The following FSTL5 variants were observed in gnomAD, a reference collection of about 807,000 sequenced individuals.
FSTL5 encodes the protein follistatin like 5, also known as follistatin-related protein 5.
FSTL5 carries 62 observed loss-of-function variants against 89.1 expected under a neutral mutation model. The observed-to-expected ratio is 0.70, with a 90% confidence interval of 0.57 to 0.86. The LOEUF (loss-of-function observed/expected upper bound fraction) is 0.86, where lower values mean the gene tolerates loss of function less well. Ranked by LOEUF, FSTL5 falls within the 40% of genes least tolerant of loss-of-function variation. The pLI is 0.00. For missense variants in FSTL5, 1,057 were observed against 1,001.6 expected (o/e 1.06, Z -0.75); for synonymous variants, 383 against 346.2 (o/e 1.11, Z -1.18).
intron 7 of FSTL5, among the ~76,000 whole-genome samples, chr4:161,608,851 C>T (rs982249307): frequency 1.3e-5 from 2 of 152,150 alleles, no homozygotes; most frequent in African/African-American, 4.8e-5. Context: ...AAAGTGGTCT[C>T]TGTCAAATCT....
intron 6 of FSTL5, among the ~76,000 whole-genome samples, chr4:161,698,225 G>C (rs1470749434): frequency 6.6e-6 from 1 of 152,084 alleles, no homozygotes; most frequent in African/African-American, 2.4e-5. Context: ...TGAATCTGCT[G>C]GCACCTCGAT....
intron 4 of FSTL5, 82 bp downstream of exon 4, chr4:161,920,322 A>G (rs1733955730): frequency 1.4e-6 from 2 of 1,396,018 alleles, no homozygotes; most frequent in African/African-American, 2.9e-5. Context: ...TTGCTGATAT[A>G]AAATTGCTAG....
intron 4 of FSTL5, among the ~76,000 whole-genome samples, chr4:161,860,291 C>CAAAT (rs1731870748): frequency 6.9e-6 from 1 of 144,394 alleles, no homozygotes; most frequent in Admixed American, 6.7e-5. Flanking sequence ...CCGTCTCAAA[C>CAAAT]AAACAAACAA....
chr4:161,388,673 AT>A (rs1730723397), intron 15 of FSTL5, among the ~76,000 whole-genome samples: 1 of 152,078 alleles, frequency 6.6e-6, no homozygotes, highest in Non-Finnish European at 1.5e-5. Context: ...TTCTGTTATA[AT>A]TTGTACATGA....
intron 6 of FSTL5, among the ~76,000 whole-genome samples, chr4:161,706,258 C>T (rs1481557726): frequency 6.6e-6 from 1 of 151,372 alleles, no homozygotes; most frequent in Non-Finnish European, 1.5e-5. Flanking sequence ...CAGGAGGAAG[C>T]CACTGTCTGT....
chr4:161,523,332 G>C (rs567303573), intron 10 of FSTL5, among the ~76,000 whole-genome samples: 12 of 152,178 alleles, frequency 7.9e-5, no homozygotes, highest in Admixed American at 6.5e-4. Context: ...TGTATATATA[G>C]GCAGGAAGGA....
At chr4:161,654,024 C>A (rs1331715067) in intron 7 of FSTL5, among the ~76,000 whole-genome samples, 2 of 151,988 alleles carry the variant, frequency 1.3e-5, no homozygotes, top group Non-Finnish European at 2.9e-5. Flanking sequence ...AAAGTTTATA[C>A]AAAATAATTT....
chr4:162,158,135 C>G (rs1561051562), intron 1 of FSTL5, among the ~76,000 whole-genome samples: 1 of 151,954 alleles, frequency 6.6e-6, no homozygotes, highest in African/African-American at 2.4e-5. Flanking sequence ...GCAGTTGATA[C>G]CACAAATGCT....
chr4:161,459,270 T>G lies in FSTL5; in HGVS notation c.1658A>C (p.His553Pro). The G allele has an allele frequency of 1.2e-6, 2 of 1,613,516 alleles. No individual in the cohort carries two copies. Among genetic ancestry groups the G allele is most frequent in the Middle Eastern group, 1.7e-4 (1 of 6,056 alleles). Residue 553 changes from histidine to proline, a missense_variant, in exon 14 of 16, where the codon CAT becomes CCT. Physicochemically the swap from His to Pro is moderately conservative, Grantham distance 77. This residue lies in a region of FSTL5 where 980 missense variants were observed against 903.2 expected (regional missense o/e 1.08). Transcript: ENST00000306100. ...CCAGCTTAGCACCCAGACCTGATCA[T>G]GTGATTTGTCATAGTGTAATTTAAC... ...VPVKLHYDKS[H>P]DQVWVLSWGT...
At position 161,552,808 on chromosome 4, in the gene FSTL5, T is replaced by C. The variant is rs547502306; in HGVS notation, c.1016-10115A>G. 2.0e-5 allele frequency among the ~76,000 whole-genome samples: 3 copies of C among 151,840 alleles called. No homozygotes were observed. The Admixed American group carries it at 2.0e-4, about 10-fold the overall frequency. ...TTTAACCTCAGTGACAAGCTAAACA[T>C]TTAAAAGTAGCTTACTTTTCCCAGG... On this transcript the variant is annotated intron_variant, in intron 8 of 15. Coordinates refer to ENST00000306100, the MANE Select transcript of FSTL5 (RefSeq NM_020116.5).
chr4:161,977,068 T>C (rs1735671620), intron 3 of FSTL5, among the ~76,000 whole-genome samples: 1 of 152,150 alleles, frequency 6.6e-6, no homozygotes, highest in African/African-American at 2.4e-5. Flanking sequence ...AAATATTTCA[T>C]GACATGTTAT....
intron 10 of FSTL5, among the ~76,000 whole-genome samples, chr4:161,527,077 A>T (rs995904263): frequency 1.1e-4 from 17 of 152,152 alleles, no homozygotes; most frequent in African/African-American, 4.1e-4. Flanking sequence ...CCCATGAGCA[A>T]GGAATGTTCT....
intron 6 of FSTL5, among the ~76,000 whole-genome samples, chr4:161,697,746 A>T (rs779067112): frequency 6.6e-6 from 1 of 152,180 alleles, no homozygotes; most frequent in Non-Finnish European, 1.5e-5. Context: ...AATAAGCCAG[A>T]CTCAGAAAGA....
At chr4:161,813,614 G>C (rs1355866073) in intron 4 of FSTL5, among the ~76,000 whole-genome samples, 1 of 152,164 alleles carries the variant, frequency 6.6e-6, no homozygotes, top group African/African-American at 2.4e-5. Flanking sequence ...CTGTGTACTG[G>C]TGTGTTGTAT....
At chr4:161,717,688 T>C (rs1739035295) in intron 6 of FSTL5, among the ~76,000 whole-genome samples, 1 of 152,192 alleles carries the variant, frequency 6.6e-6, no homozygotes, top group Non-Finnish European at 1.5e-5. Flanking sequence ...ACTCAATCTT[T>C]TTTTGTTCTT....
At chr4:161,688,424 G>A (rs889498814) in intron 6 of FSTL5, among the ~76,000 whole-genome samples, 20 of 152,064 alleles carry the variant, frequency 1.3e-4, no homozygotes, top group African/African-American at 4.3e-4. Context: ...CAAAATAGAT[G>A]AAAACAAAAC....
At chr4:161,653,330 T>C (rs1349911616) in intron 7 of FSTL5, among the ~76,000 whole-genome samples, 1 of 152,134 alleles carries the variant, frequency 6.6e-6, no homozygotes, top group Non-Finnish European at 1.5e-5. Flanking sequence ...TAGTATCCTC[T>C]GTCACAGGAA....
chr4:162,140,889 T>C (rs886416828), intron 1 of FSTL5, among the ~76,000 whole-genome samples: 1 of 152,068 alleles, frequency 6.6e-6, no homozygotes, highest in Admixed American at 6.6e-5. Flanking sequence ...CATAAGTATT[T>C]ATATAGTTTT....
At chr4:161,526,762 T>A (rs1373847072) in intron 10 of FSTL5, among the ~76,000 whole-genome samples, 2 of 152,194 alleles carry the variant, frequency 1.3e-5, no homozygotes, top group African/African-American at 4.8e-5. Flanking sequence ...GTTGTAGATA[T>A]GCGGTGTTAT....
Sources: allele counts gnomAD v4.1 joint callset (sites outside exome capture counted in the v4.1 genomes callset), GRCh38; gene constraint gnomAD v4.1.1; regional missense constraint gnomAD v4.1.1; transcripts MANE v1.5; gene names NCBI Gene and HGNC (gene_info 2026-07-23, HGNC 2026-07-21).